CFH: variants seen among roughly 807,000 people sequenced by gnomAD.
CFH encodes complement factor H, also known as H factor 1 (complement).
A neutral mutation model predicts 147.3 loss-of-function variants in CFH; 53 were observed. That is an observed-to-expected ratio of 0.36 (90% confidence interval 0.29 to 0.45). CFH has a LOEUF of 0.45. Ranked by LOEUF, CFH falls within the 20% of genes least tolerant of loss-of-function variation. The pLI is 1.00. For synonymous variants in CFH, 536 were observed against 489.4 expected, an observed-to-expected ratio of 1.10 and a Z score of -1.26; for missense variants, 1,380 against 1,498.0, an observed-to-expected ratio of 0.92 and a Z score of 1.30.
intron 1 of CFH, among the ~76,000 whole-genome samples, chr1:196,659,498 C>A (rs1558149034): frequency 6.6e-6 from 1 of 152,208 alleles, no homozygotes; most frequent in African/African-American, 2.4e-5. Context: ...AGAGGCACCT[C>A]TCCTTGCTAA....
chr1:196,705,083 T>C (rs958589158), intron 9 of CFH, among the ~76,000 whole-genome samples: 1 of 152,214 alleles, frequency 6.6e-6, no homozygotes, highest in African/African-American at 2.4e-5. Flanking sequence ...GGGAAATACA[T>C]GCTAAGGAGT....
intron 12 of CFH, 83 bp from the exon 13 acceptor site, chr1:196,726,384 AAAG>A: frequency 3.8e-6 from 4 of 1,061,168 alleles, no homozygotes; most frequent in Non-Finnish European, 1.4e-6. Context: ...TACATGAATA[AAAG>A]AAGAAAATCT....
intron 1 of CFH, 52 bp from the exon 2 acceptor site, chr1:196,672,926 T>G: frequency 1.4e-6 from 2 of 1,457,334 alleles, no homozygotes; most frequent in Non-Finnish European, 1.9e-6. Context: ...CTAAATATAC[T>G]GTACATTTAA....
chr1:196,683,230 C>A (rs1667715611), intron 6 of CFH, among the ~76,000 whole-genome samples: 1 of 151,368 alleles, frequency 6.6e-6, no homozygotes, highest in South Asian at 2.1e-4. Context: ...TGGAGAACAC[C>A]AAAAAGTATG....
At chr1:196,726,401 C>A (rs1011985473) in intron 12 of CFH, 69 bp from the exon 13 acceptor site, 20 of 1,211,680 alleles carry the variant, frequency 1.7e-5, no homozygotes, top group Admixed American at 5.9e-5. Context: ...AAAATCTTTC[C>A]ATTTTACTGA....
At chr1:196,689,378 A>C (rs765367274) in intron 7 of CFH, 42 bp from the exon 8 acceptor site, 1 of 1,531,922 alleles carries the variant, frequency 6.5e-7, no homozygotes, top group Admixed American at 1.7e-5. Context: ...TGTTTATTAC[A>C]GTAAAATTTC....
intron 20 of CFH, among the ~76,000 whole-genome samples, chr1:196,744,441 A>G (rs776654444): frequency 1.7e-4 from 26 of 152,110 alleles, no homozygotes; most frequent in Middle Eastern, 6.8e-3. Context: ...TATTAAGGAG[A>G]TTAATTTCGA....
chr1:196,692,786 C>CTT (rs1440754871), intron 9 of CFH, among the ~76,000 whole-genome samples: 4 of 77,314 alleles, frequency 5.2e-5, no homozygotes, highest in African/African-American at 2.9e-4. Flanking sequence ...TTCTTTCTTT[C>CTT]TTTCTTTCTT....
intron 15 of CFH, among the ~76,000 whole-genome samples, 192 bp downstream of exon 15, chr1:196,728,714 AACACAC>A (rs374176162): frequency 6.9e-6 from 1 of 145,222 alleles, no homozygotes; most frequent in African/African-American, 2.5e-5. Context: ...CTTTAGTATA[AACACAC>A]ACACACACAC....
At chr1:196,662,747 T>A (rs1420742884) in intron 1 of CFH, among the ~76,000 whole-genome samples, 1 of 151,808 alleles carries the variant, frequency 6.6e-6, no homozygotes, top group Admixed American at 6.6e-5. Context: ...CTGAGAGAGG[T>A]AGTTTGTGAC....
In CFH at chr1:196,656,967, G is replaced by GTTGT. The variant is rs369497669; in HGVS notation, c.58+4815_58+4818dup. On this transcript the variant is annotated intron_variant, in intron 1 of 21. Coordinates refer to ENST00000367429, the MANE Select transcript of CFH (RefSeq NM_000186.4). Reference sequence around the variant, plus strand: ...TTCTTCTTGCTCTTTTCACTGTTAAGTTGTTTGTTTGTTTGTTTGTTTGTT... The same window carrying GTTGT: ...TTCTTCTTGCTCTTTTCACTGTTAAGTTGTTTGTTTGTTTGTTTGTTTGTTTGTT... Among the ~76,000 whole-genome samples the GTTGT allele has an allele frequency of 1.4e-3, 207 of 151,720 alleles. 2 individuals carry two copies. Among genetic ancestry groups the GTTGT allele is most frequent in the South Asian group, 7.7e-3 (37 of 4,794 alleles).
At chr1:196,736,530 A>G (rs1389324733) in intron 15 of CFH, among the ~76,000 whole-genome samples, 1 of 152,088 alleles carries the variant, frequency 6.6e-6, no homozygotes, top group African/African-American at 2.4e-5. Context: ...AATCAATATT[A>G]CATAAATTAT....
At chr1:196,698,214 A>T (rs1478612535) in intron 9 of CFH, among the ~76,000 whole-genome samples, 1 of 152,130 alleles carries the variant, frequency 6.6e-6, no homozygotes, top group Non-Finnish European at 1.5e-5. Flanking sequence ...AGCAGAAGAC[A>T]AGAAATAACT....
At chr1:196,654,450 C>G (rs1280724301) in intron 1 of CFH, among the ~76,000 whole-genome samples, 1 of 152,088 alleles carries the variant, frequency 6.6e-6, no homozygotes, top group Non-Finnish European at 1.5e-5. Context: ...TTTTAACAGT[C>G]TGGCTCAGGG....
At chr1:196,654,004 A>G (rs1396019377) in intron 1 of CFH, among the ~76,000 whole-genome samples, 1 of 152,128 alleles carries the variant, frequency 6.6e-6, no homozygotes, top group Non-Finnish European at 1.5e-5. Flanking sequence ...TGTTTCCCAA[A>G]TACTCTCTGA....
At position 196,702,552 on chromosome 1, in the gene CFH, A is replaced by G. The variant is rs1305773051; in HGVS notation, c.1337-11183A>G. On this transcript the variant is annotated intron_variant, in intron 9 of 21. Transcript: ENST00000367429. ...AAAAAAAAAAAAACATCCAAAGCAT[A>G]TGAAGAATCTATTCTCCTCTGTATT... 2.0e-5 allele frequency among the ~76,000 whole-genome samples: 3 copies of G among 151,872 alleles called. No individual in the cohort carries two copies. In the East Asian group the frequency reaches 5.8e-4, roughly 29 times the overall value.
chr1:196,667,355 T>C (rs1558151944), intron 1 of CFH, among the ~76,000 whole-genome samples: 1 of 152,212 alleles, frequency 6.6e-6, no homozygotes, highest in Non-Finnish European at 1.5e-5. Flanking sequence ...TGAGTCAGTA[T>C]GAGCCAGCTC....
chr1:196,695,735 T>C (rs1668239427), intron 9 of CFH, among the ~76,000 whole-genome samples: 1 of 152,192 alleles, frequency 6.6e-6, no homozygotes, highest in Non-Finnish European at 1.5e-5. Flanking sequence ...CCTTGTAAGT[T>C]GTATTTCTAC....
chr1:196,723,841 C>T (rs980642764), intron 11 of CFH, among the ~76,000 whole-genome samples: 1 of 151,948 alleles, frequency 6.6e-6, no homozygotes, highest in South Asian at 2.1e-4. Context: ...TTGTAGCCAC[C>T]CCCTAATACC....
Sources: gnomAD v4.1 joint callset for allele counts (sites outside exome capture counted in the v4.1 genomes callset) on GRCh38, gnomAD v4.1.1 for gene constraint, MANE v1.5 for transcripts, NCBI Gene and HGNC (gene_info 2026-07-23, HGNC 2026-07-21) for gene names.